GRHL3: variants seen among roughly 807,000 people sequenced by gnomAD.
GRHL3 encodes the protein grainyhead like transcription factor 3, also known as grainyhead-like protein 3 homolog.
A neutral mutation model predicts 70.3 loss-of-function variants in GRHL3; 20 were observed. That is an observed-to-expected ratio of 0.28 (90% confidence interval 0.20 to 0.41). The LOEUF is 0.41. Among genes scored for constraint, GRHL3 ranks in the 10% least tolerant of loss-of-function variants. GRHL3 has a pLI of 1.00. For missense variants in GRHL3, 637 were observed against 762.3 expected (o/e 0.84, Z 1.94); for synonymous variants, 299 against 299.9 (o/e 1.00, Z 0.03).
intron 7 of GRHL3, 128 bp downstream of exon 7, chr1:24,338,231 G>A (rs752233322): frequency 2.5e-5 from 15 of 611,590 alleles, no homozygotes; most frequent in South Asian, 8.9e-5. Flanking sequence ...GTCAAACACC[G>A]TGGGGTTTGC....
chr1:24,357,971 G>T (rs1557711224), downstream of GRHL3: 1 of 347,026 alleles, frequency 2.9e-6, no homozygotes, highest in South Asian at 2.2e-5. Context: ...TTCCAAACAG[G>T]TGGTCACTTT....
At chr1:24,348,256 C>T (rs901838779) in intron 14 of GRHL3, among the ~76,000 whole-genome samples, 8 of 152,328 alleles carry the variant, frequency 5.3e-5, no homozygotes, top group South Asian at 2.1e-4. Context: ...TCAGACATGC[C>T]GCCTGCACTG....
Position 24,342,809 on chromosome 1 carries a change from G to C in GRHL3, c.1285+37G>C, listed in dbSNP as rs143219816. 1.2e-6 allele frequency: 2 copies of C among 1,613,892 alleles called. No individual in the cohort carries two copies. Among genetic ancestry groups the C allele is most frequent in the Non-Finnish European group, 1.7e-6 (2 of 1,179,758 alleles). ...TCCAGGGCCTGGGTGGGCTCGGCTG[G>C]CGTGAAGGGGAGAAGGAGACCAGAG... On this transcript the variant is annotated intron_variant, in intron 10 of 15. Transcript: ENST00000361548. This position sits in a 1 kb window ranked among gnomAD's most constrained non-coding sequence, Gnocchi z 4.8.
chr1:24,328,220 C>T (rs1639466015), intron 1 of GRHL3, among the ~76,000 whole-genome samples: 1 of 152,232 alleles, frequency 6.6e-6, no homozygotes, highest in Non-Finnish European at 1.5e-5. Context: ...TCCGACAGCT[C>T]CAAGTTCAAG....
At chr1:24,360,976 C>T (rs1194202313) in intron 15 of GRHL3, 2 of 1,613,634 alleles carry the variant, frequency 1.2e-6, no homozygotes, top group Non-Finnish European at 8.5e-7. Context: ...CTGACCAGGA[C>T]CTGGGAAAGG....
chr1:24,356,326 T>C (rs1355478148), downstream of GRHL3, among the ~76,000 whole-genome samples: 1 of 151,778 alleles, frequency 6.6e-6, no homozygotes, highest in Non-Finnish European at 1.5e-5. Context: ...CGCTGCAAGC[T>C]CCGCCTCCCG....
intron 12 of GRHL3, among the ~76,000 whole-genome samples, chr1:24,345,528 C>T (rs1165441248): frequency 6.6e-6 from 1 of 151,568 alleles, no homozygotes; most frequent in African/African-American, 2.4e-5. Context: ...GAATCTCTGG[C>T]GAGACACCCG....
At chr1:24,320,513 T>C (rs924907959) in intron 1 of GRHL3, among the ~76,000 whole-genome samples, 3 of 152,162 alleles carry the variant, frequency 2.0e-5, no homozygotes, top group Admixed American at 1.3e-4. Context: ...GAAGCCAGAA[T>C]CCTTTAAACA....
At chr1:24,335,683 A>C (rs910635090) in intron 3 of GRHL3, among the ~76,000 whole-genome samples, 35 of 151,968 alleles carry the variant, frequency 2.3e-4, no homozygotes, top group South Asian at 4.2e-4. Context: ...CCCGGGTTCA[A>C]GCCATTCTTC....
At position 24,342,777 on chromosome 1, in the gene GRHL3, G is replaced by GT; in HGVS notation, c.1285+6dup. ...GCCCTGACTCCAGCAACAGTGGTCA[G>GT]TGGGGATCCAGGGCCTGGGTGGGCT... On this transcript the variant is annotated splice_donor_region_variant and intron_variant, in intron 10 of 15. Coordinates refer to ENST00000361548, the MANE Select transcript of GRHL3 (RefSeq NM_198173.3). The surrounding 1 kb of genome is among the most constrained non-coding windows in gnomAD (Gnocchi z 4.8). 1 of 1,614,190 alleles carries GT rather than the reference G, an allele frequency of 6.2e-7. No individual in the cohort carries two copies. Among genetic ancestry groups the GT allele is most frequent in the East Asian group, 2.2e-5 (1 of 44,884 alleles).
chr1:24,338,495 C>G (rs1557698329), intron 7 of GRHL3, among the ~76,000 whole-genome samples: 1 of 152,194 alleles, frequency 6.6e-6, no homozygotes, highest in Admixed American at 6.5e-5. Flanking sequence ...CTGTGGGGGC[C>G]ACCTGGTCCC....
At chr1:24,327,473 A>G (rs1355989538) in intron 1 of GRHL3, among the ~76,000 whole-genome samples, 1 of 152,212 alleles carries the variant, frequency 6.6e-6, no homozygotes, top group East Asian at 1.9e-4. Context: ...TTACCCAAGG[A>G]CATGTAGTTA....
intron 8 of GRHL3, 118 bp from the exon 9 acceptor site, chr1:24,341,997 A>T: frequency 1.1e-6 from 1 of 886,312 alleles, no homozygotes; most frequent in Non-Finnish European, 1.7e-6. Context: ...CTAGGGGCCT[A>T]GTGAGGCTTA....
chr1:24,350,911 T>C (rs746222951), intron 15 of GRHL3, among the ~76,000 whole-genome samples: 1 of 152,172 alleles, frequency 6.6e-6, no homozygotes, highest in Non-Finnish European at 1.5e-5. Context: ...TAGGGTCACA[T>C]GGTAACTGTC....
At chr1:24,341,033 G>C (rs1426018956) in intron 8 of GRHL3, among the ~76,000 whole-genome samples, 1 of 152,106 alleles carries the variant, frequency 6.6e-6, no homozygotes, top group Non-Finnish European at 1.5e-5. Flanking sequence ...GGGAAAGAAG[G>C]GGGTCTGCTC....
At chr1:24,360,388 G>C (rs1488329257) in intron 15 of GRHL3, among the ~76,000 whole-genome samples, 2 of 152,218 alleles carry the variant, frequency 1.3e-5, no homozygotes, top group Admixed American at 6.5e-5. Flanking sequence ...GGCGGAAGTT[G>C]TGAGCCAAGA....
chr1:24,351,409 T>A (rs1325415122), intron 15 of GRHL3, among the ~76,000 whole-genome samples: 1 of 87,490 alleles, frequency 1.1e-5, no homozygotes, highest in Admixed American at 9.9e-5. Flanking sequence ...GGGAAGGGGG[T>A]TTTTTTTGGT....
chr1:24,335,675 C>T lies in GRHL3; in HGVS notation c.267-807C>T, dbSNP rs972703889. Among the ~76,000 whole-genome samples, 15 of 152,070 alleles carry T rather than the reference C, an allele frequency of 9.9e-5. No individual in the cohort carries two copies. In the South Asian group the frequency reaches 1.9e-3, roughly 19 times the overall value. On this transcript the variant is annotated intron_variant, in intron 3 of 15. Transcript: ENST00000361548. ...TTGGCTCACTGCAAGCTCCGTCTCC[C>T]GGGTTCAAGCCATTCTTCTGCCTCA...
rs370985929 is a variant in GRHL3, at chr1:24,342,240, T to C, written c.1173T>C (p.Arg391=). Residue 391 remains arginine (R), a synonymous_variant, in exon 9 of 16, where the codon CGT becomes CGC. Coordinates refer to ENST00000361548, the MANE Select transcript of GRHL3 (RefSeq NM_198173.3). This position sits in a 1 kb window ranked among gnomAD's most constrained non-coding sequence, Gnocchi z 4.8. ...TGGGCACTGAGCGCCTGGTACACCG[T>C]GCTGTCTGCCAGATCAAGATCTTCT... is the stretch of plus-strand genomic sequence containing the variant. ...CGLGTERLVH[R]AVCQIKIFCD... The C allele has an allele frequency of 2.5e-6, 4 of 1,611,976 alleles. No homozygotes were observed. The African/African-American group carries it at 5.3e-5, about 22-fold the overall frequency.
Sources: gnomAD v4.1 joint callset for allele counts (sites outside exome capture counted in the v4.1 genomes callset) on GRCh38, gnomAD v4.1.1 for gene constraint, Gnocchi (gnomAD v3.1) non-coding constraint, MANE v1.5 for transcripts, NCBI Gene and HGNC (gene_info 2026-07-23, HGNC 2026-07-21) for gene names.